MTARC2: variants seen among roughly 807,000 people sequenced by gnomAD.
MTARC2 encodes MOCO sulphurase C-terminal domain containing 2.
In MTARC2, 27 loss-of-function variants were observed where a neutral mutation model predicts 35.6. That is an observed-to-expected ratio of 0.76 (90% CI 0.56 to 1.04). MTARC2 has a LOEUF of 1.04. MTARC2 is among the 50% of genes least tolerant of loss of function. The pLI is 0.00. For missense variants in MTARC2, 412 were observed against 432.5 expected (o/e 0.95, Z 0.42); for synonymous variants, 158 against 167.1 (o/e 0.95, Z 0.42).
At chr1:220,763,608 A>T (rs573801346) in intron 4 of MTARC2, among the ~76,000 whole-genome samples, 2 of 152,206 alleles carry the variant, frequency 1.3e-5, no homozygotes, top group African/African-American at 4.8e-5. Context: ...AAACTACATC[A>T]GAACCCAGTA....
intron 2 of MTARC2, among the ~76,000 whole-genome samples, chr1:220,755,771 C>T (rs72472379): frequency 0.014 from 2,073 of 152,272 alleles, 33 homozygotes; most frequent in East Asian, 0.06. Context: ...CTGGAAGAAG[C>T]AGTTTCTTCA....
chr1:220,769,075 CTCCT>C (rs1268299385), intron 4 of MTARC2, among the ~76,000 whole-genome samples: 1 of 152,240 alleles, frequency 6.6e-6, no homozygotes, highest in Non-Finnish European at 1.5e-5. Flanking sequence ...GCCAACAGAA[CTCCT>C]TTACTTAAGG....
At chr1:220,772,932 C>T (rs1017344060) in intron 4 of MTARC2, among the ~76,000 whole-genome samples, 3 of 152,128 alleles carry the variant, frequency 2.0e-5, no homozygotes, top group Admixed American at 6.5e-5. Flanking sequence ...ATTTGGGCTT[C>T]GTCTCTGGTT....
intron 1 of MTARC2, among the ~76,000 whole-genome samples, chr1:220,751,334 G>A (rs1558061870): frequency 1.3e-5 from 2 of 152,138 alleles, no homozygotes; most frequent in South Asian, 2.1e-4. Context: ...GCTGGCATTC[G>A]GTGCCTGGTG....
chr1:220,781,672 GCTGTGTAT>G (rs1672074678), intron 6 of MTARC2, 98 bp from the exon 7 acceptor site: 2 of 1,159,516 alleles, frequency 1.7e-6, no homozygotes, highest in Non-Finnish European at 2.5e-6. Context: ...GAAAATTCTT[GCTGTGTAT>G]TTATAAATAA....
At chr1:220,762,815 G>A in intron 3 of MTARC2, 95 bp from the exon 4 acceptor site, 3 of 1,354,406 alleles carry the variant, frequency 2.2e-6, no homozygotes, top group Non-Finnish European at 2.1e-6. Flanking sequence ...CTTCTGCACT[G>A]AAGAGGTTTT....
intron 2 of MTARC2, among the ~76,000 whole-genome samples, chr1:220,758,242 CA>C (rs1446006674): frequency 1.3e-4 from 19 of 151,998 alleles, no homozygotes; most frequent in Admixed American, 6.6e-4. Flanking sequence ...CTCGGCTTCC[CA>C]AAGTGCAGGG....
intron 4 of MTARC2, among the ~76,000 whole-genome samples, chr1:220,766,024 G>A (rs1671567432): frequency 6.6e-6 from 1 of 152,204 alleles, no homozygotes; most frequent in Non-Finnish European, 1.5e-5. Flanking sequence ...ACTGAGCTAG[G>A]AGAGTGCAGG....
chr1:220,750,426 C>T (rs749907058), intron 1 of MTARC2, among the ~76,000 whole-genome samples: 5 of 152,176 alleles, frequency 3.3e-5, no homozygotes, highest in East Asian at 1.9e-4. Context: ...ACCTGAAGAA[C>T]GGTTTCTTTC....
In MTARC2 at chr1:220,773,964, AACAC is replaced by A. The variant is rs3056885; in HGVS notation, c.751-6032_751-6029del. Among the ~76,000 whole-genome samples, 394 of 148,504 alleles carry A rather than the reference AACAC, an allele frequency of 2.7e-3. 1 individual carries two copies. Among genetic ancestry groups the A allele is most frequent in the Non-Finnish European group, 3.5e-3 (234 of 66,726 alleles). ...ATGGAATCATCCTCTATTATATATA[AACAC>A]ACACACACACACACACACACATATA... is the stretch of plus-strand genomic sequence containing the variant. On this transcript the variant is annotated intron_variant, in intron 4 of 7. Transcript: ENST00000366913.
At chr1:220,760,356 A>G (rs1216952402) in intron 2 of MTARC2, among the ~76,000 whole-genome samples, 1 of 152,250 alleles carries the variant, frequency 6.6e-6, no homozygotes, top group East Asian at 1.9e-4. Context: ...CTGATAAATC[A>G]TTAAAAATAC....
chr1:220,780,286 C>A, intron 6 of MTARC2, 47 bp downstream of exon 6: 1 of 1,529,786 alleles, frequency 6.5e-7, no homozygotes, highest in Non-Finnish European at 9.0e-7. Context: ...ATCTCCACCC[C>A]AGAACTACCT....
chr1:220,754,610 C>T (rs755187494), intron 1 of MTARC2, among the ~76,000 whole-genome samples: 19 of 152,128 alleles, frequency 1.2e-4, no homozygotes, highest in Non-Finnish European at 2.5e-4. Flanking sequence ...CCTGCAGAAG[C>T]TTCTAACCAA....
At chr1:220,783,702 C>T (rs1672143091) in intron 7 of MTARC2, among the ~76,000 whole-genome samples, 1 of 152,162 alleles carries the variant, frequency 6.6e-6, no homozygotes, top group Non-Finnish European at 1.5e-5. Flanking sequence ...TGATAACAGG[C>T]ACTTTATGGA....
In MTARC2 at chr1:220,755,000, C is replaced by T. The variant is rs780433918; in HGVS notation, c.326C>T (p.Pro109Leu). ...DGHMVTARQEPRLVLISIIYE... is the reference protein window; with the variant it reads ...DGHMVTARQELRLVLISIIYE... ...CACATGGTCACTGCCCGACAGGAGCCTCGCCTCGTGCTCATCTCCATCATT... is the reference window on the plus strand; with the variant it reads ...CACATGGTCACTGCCCGACAGGAGCTTCGCCTCGTGCTCATCTCCATCATT... The change falls in exon 2 of 8, where the codon CCT becomes CTT. Residue 109 changes from proline to leucine, a missense_variant. Physicochemically the swap from Pro to Leu is moderately conservative, Grantham distance 98. Coordinates refer to ENST00000366913, the MANE Select transcript of MTARC2 (RefSeq NM_017898.5). 6.2e-7 allele frequency: 1 copy of T among 1,612,298 alleles called. No homozygotes were observed. Among genetic ancestry groups the T allele is most frequent in the Non-Finnish European group, 8.5e-7 (1 of 1,179,162 alleles).
At chr1:220,760,808 T>G (rs191178889) in intron 2 of MTARC2, among the ~76,000 whole-genome samples, 1 of 152,222 alleles carries the variant, frequency 6.6e-6, no homozygotes, top group East Asian at 1.9e-4. Flanking sequence ...TAAAATTACA[T>G]AAGTAAAATA....
In MTARC2 at chr1:220,784,601, T is replaced by G. The variant is rs1182256601; in HGVS notation, c.*714T>G. ...AGTAAGATAAGGAAGAGGATGACAT[T>G]TAAAAGAGAATGGAATTTTGAGAGT... is the stretch of plus-strand genomic sequence containing the variant. On this transcript the variant is annotated 3_prime_UTR_variant, in exon 8 of 8. Coordinates refer to ENST00000366913, the MANE Select transcript of MTARC2 (RefSeq NM_017898.5). 6.6e-6 allele frequency: 1 copy of G among 152,186 alleles called. No homozygotes were observed. 9.4% of individuals were successfully genotyped at this position (152,186 alleles called of 1,614,324 possible).
chr1:220,770,296 T>C (rs1671708076), intron 4 of MTARC2: 1 of 676,948 alleles, frequency 1.5e-6, no homozygotes, highest in African/African-American at 2.0e-5. Context: ...GTGTGAGACC[T>C]TGTTGAACTG....
chr1:220,756,825 T>C (rs1410971325), intron 2 of MTARC2, among the ~76,000 whole-genome samples: 1 of 152,164 alleles, frequency 6.6e-6, no homozygotes, highest in Admixed American at 6.5e-5. Flanking sequence ...CCTTCCTGGA[T>C]GGAAAGAGGG....
Sources: gnomAD v4.1 joint callset for allele counts (sites outside exome capture counted in the v4.1 genomes callset) on GRCh38, gnomAD v4.1.1 for gene constraint, MANE v1.5 for transcripts, NCBI Gene and HGNC (gene_info 2026-07-23, HGNC 2026-07-21) for gene names.